Variants in PEPD observed in about 807,000 individuals in gnomAD.
PEPD encodes the protein peptidase D.
Under a neutral mutation model 60.7 loss-of-function variants are expected in PEPD, and 53 were observed. The ratio of observed to expected loss-of-function variants is 0.87; its 90% CI spans 0.70 to 1.10. PEPD has a LOEUF of 1.10. Ranked by LOEUF, PEPD falls within the 50% of genes least tolerant of loss-of-function variation. PEPD has a pLI of 0.00. For synonymous variants in PEPD, 267 were observed against 284.1 expected (o/e 0.94, Z 0.60); for missense variants, 711 against 711.9 (o/e 1.00, Z 0.01).
chr19:33,448,271 G>A (rs1047551309), intron 9 of PEPD, among the ~76,000 whole-genome samples: 2 of 152,170 alleles, frequency 1.3e-5, no homozygotes, highest in Non-Finnish European at 2.9e-5. Flanking sequence ...CTGCTCCTGC[G>A]GGGCTGCTCC....
At chr19:33,493,790 G>C (rs1361082824) in intron 4 of PEPD, among the ~76,000 whole-genome samples, 2 of 152,156 alleles carry the variant, frequency 1.3e-5, no homozygotes, top group South Asian at 4.2e-4. Flanking sequence ...AGACCCAAGG[G>C]AGTTGGCCTT....
In PEPD at chr19:33,401,709, C is replaced by A. The variant is rs768628385; in HGVS notation, c.967+12G>T. On this transcript the variant is annotated intron_variant, in intron 12 of 14. Transcript: ENST00000244137. The stretch of plus-strand genomic sequence containing the variant: ...CGTCAGATGCGCCTCCCCCCACCGA[C>A]CCGCTGCTCACCTGGCTTCATGGCA... 5.6e-6 allele frequency: 9 copies of A among 1,603,324 alleles called. No homozygotes were observed. In the South Asian group the frequency reaches 9.0e-5, roughly 16 times the overall value.
intron 1 of PEPD, among the ~76,000 whole-genome samples, chr19:33,519,116 C>T (rs1971082580): frequency 6.6e-6 from 1 of 152,154 alleles, no homozygotes; most frequent in Admixed American, 6.5e-5. Flanking sequence ...CTTAAGGAGA[C>T]AGCAGCAGTG....
intron 12 of PEPD, among the ~76,000 whole-genome samples, chr19:33,395,605 AC>A (rs984521299): frequency 6.6e-6 from 1 of 152,116 alleles, no homozygotes; most frequent in African/African-American, 2.4e-5. Flanking sequence ...CTCAGGCAGC[AC>A]CCGCTCCTGC....
intron 9 of PEPD, among the ~76,000 whole-genome samples, chr19:33,443,095 C>G (rs1969515421): frequency 6.6e-6 from 1 of 152,240 alleles, no homozygotes; most frequent in Non-Finnish European, 1.5e-5. Flanking sequence ...CTGCTTTCTC[C>G]CCCACGGTCC....
chr19:33,406,486 C>T (rs1968627119), intron 11 of PEPD, among the ~76,000 whole-genome samples: 1 of 152,218 alleles, frequency 6.6e-6, no homozygotes, highest in South Asian at 2.1e-4. Context: ...TCTTTAAGAC[C>T]GCAGAGTGCT....
chr19:33,481,785 C>G (rs1042824453), intron 6 of PEPD, among the ~76,000 whole-genome samples: 6 of 151,862 alleles, frequency 4.0e-5, no homozygotes, highest in Admixed American at 2.6e-4. Context: ...TCCCAGCACT[C>G]TGGGAGGCAG....
At chr19:33,500,037 C>T (rs2145333942) in intron 4 of PEPD, among the ~76,000 whole-genome samples, 1 of 152,360 alleles carries the variant, frequency 6.6e-6, no homozygotes, top group East Asian at 1.9e-4. Context: ...CACACTGCAG[C>T]CCCGGCTCTT....
At chr19:33,466,865 A>G (rs1349069657) in intron 7 of PEPD, among the ~76,000 whole-genome samples, 2 of 152,152 alleles carry the variant, frequency 1.3e-5, no homozygotes, top group African/African-American at 2.4e-5. Context: ...TTATATAAGA[A>G]AAACAGTCTA....
In PEPD at chr19:33,393,258, G is replaced by T. The variant is rs542523001; in HGVS notation, c.968-1779C>A. ...GGGTCTGGGGTCTGGGGTCTGGCGT[G>T]GGGGAGGGCCCGGGGTCTGGGGTCT... On this transcript the variant is annotated intron_variant, in intron 12 of 14. Transcript: ENST00000244137. Among the ~76,000 whole-genome samples the T allele has an allele frequency of 3.0e-3, 442 of 149,184 alleles. 6 individuals are homozygous for T. Among genetic ancestry groups the T allele is most frequent in the African/African-American group, 0.011 (428 of 39,952 alleles).
At chr19:33,406,128 TCAGGG>T (rs1253130299) in intron 11 of PEPD, among the ~76,000 whole-genome samples, 1 of 152,106 alleles carries the variant, frequency 6.6e-6, no homozygotes, top group Non-Finnish European at 1.5e-5. Flanking sequence ...GGCCCGGGCG[TCAGGG>T]CAGTGGCCTT....
At chr19:33,412,738 A>G (rs1436363200) in intron 10 of PEPD, among the ~76,000 whole-genome samples, 1 of 152,214 alleles carries the variant, frequency 6.6e-6, no homozygotes, top group Admixed American at 6.5e-5. Flanking sequence ...TTTCACATGT[A>G]TTATTCATGT....
At chr19:33,492,148 GCA>G (rs1970513787) in intron 5 of PEPD, among the ~76,000 whole-genome samples, 1 of 151,366 alleles carries the variant, frequency 6.6e-6, no homozygotes, top group Non-Finnish European at 1.5e-5. Context: ...GTGTAAGAAA[GCA>G]CACTTCTCTG....
intron 9 of PEPD, among the ~76,000 whole-genome samples, chr19:33,430,552 A>C (rs1197807103): frequency 1.3e-5 from 2 of 152,180 alleles, no homozygotes; most frequent in Non-Finnish European, 2.9e-5. Flanking sequence ...TGCTACAGCA[A>C]TAAGGTTTTG....
At position 33,511,859 on chromosome 19, in the gene PEPD, T is replaced by C. The variant is rs761694847; in HGVS notation, c.202-704A>G. The stretch of plus-strand genomic sequence containing the variant: ...GCTTGCAGCTGCGCGAACAATGGAG[T>C]GGAGAGACGGGACCCTTCAGGCAGG... On this transcript the variant is annotated intron_variant, in intron 2 of 14. Transcript: ENST00000244137. Among the ~76,000 whole-genome samples the C allele has an allele frequency of 2.0e-5, 3 of 151,948 alleles. 1 individual carries two copies. The highest frequency in any genetic ancestry group is 1.3e-4 in the Admixed American group (2 of 15,256).
intron 9 of PEPD, among the ~76,000 whole-genome samples, chr19:33,416,645 C>T (rs1310796137): frequency 6.6e-6 from 1 of 152,182 alleles, no homozygotes; most frequent in Non-Finnish European, 1.5e-5. Context: ...GAGAGGAGGC[C>T]GTGGTCTGCC....
At chr19:33,390,222 G>T (rs79729061) in intron 13 of PEPD, among the ~76,000 whole-genome samples, 4,833 of 152,242 alleles carry the variant, frequency 0.032, 119 homozygotes, top group Admixed American at 0.057. Flanking sequence ...AAAACAGTTT[G>T]CTGCCAATTT....
In PEPD at chr19:33,521,774, C is replaced by A; in HGVS notation, c.-14G>T. ...GGCCGCCGCCATGTTCGCCCGGCAC[C>A]GGCGTCACGTGAAGTGCGGCGTCAG... is the stretch of plus-strand genomic sequence containing the variant. On this transcript the variant is annotated 5_prime_UTR_variant, in exon 1 of 15. Transcript: ENST00000244137. 3 of 1,527,904 alleles carry A rather than the reference C, an allele frequency of 2.0e-6. No individual in the cohort carries two copies. The highest frequency in any genetic ancestry group is 2.6e-6 in the Non-Finnish European group (3 of 1,136,224). The allele number at this position is 1,527,904 out of a possible 1,614,324, so 94.6% of individuals were successfully genotyped here.
At chr19:33,406,109 G>A (rs997848125) in intron 11 of PEPD, among the ~76,000 whole-genome samples, 1 of 152,256 alleles carries the variant, frequency 6.6e-6, no homozygotes, top group African/African-American at 2.4e-5. Flanking sequence ...GGAAAGCACA[G>A]TGGGGTGAGG....
Sources: gnomAD v4.1 joint callset for allele counts (sites outside exome capture counted in the v4.1 genomes callset) on GRCh38, gnomAD v4.1.1 for gene constraint, MANE v1.5 for transcripts, NCBI Gene and HGNC (gene_info 2026-07-23, HGNC 2026-07-21) for gene names.